Variants in BTBD9 observed in about 807,000 individuals in gnomAD.
BTBD9 encodes the protein BTB domain containing 9.
BTBD9 carries 49 observed loss-of-function variants against 64.3 expected under a neutral mutation model. That is an observed-to-expected ratio of 0.76 (90% CI 0.61 to 0.97). The LOEUF (loss-of-function observed/expected upper bound fraction) is 0.97. Among genes scored for constraint, BTBD9 ranks in the 50% least tolerant of loss-of-function variants. The pLI, the probability that BTBD9 is intolerant of heterozygous loss-of-function variation, is 0.00. For missense variants in BTBD9, 598 were observed against 762.1 expected, an observed-to-expected ratio of 0.78 and a Z score of 2.53; for synonymous variants, 260 against 274.7, an observed-to-expected ratio of 0.95 and a Z score of 0.53.
intron 10 of BTBD9, among the ~76,000 whole-genome samples, chr6:38,188,913 C>T (rs954479236): frequency 2.0e-5 from 3 of 152,224 alleles, no homozygotes; most frequent in Admixed American, 2.0e-4. Flanking sequence ...ACGGCCCTCA[C>T]CAAGAACCAG....
chr6:38,201,264 C>T (rs1762452615), intron 9 of BTBD9, among the ~76,000 whole-genome samples: 1 of 152,122 alleles, frequency 6.6e-6, no homozygotes, highest in South Asian at 2.1e-4. Flanking sequence ...TGGGATCTAA[C>T]CCAGGGATGC....
At chr6:38,416,657 C>CT (rs1436304867) in intron 6 of BTBD9, among the ~76,000 whole-genome samples, 3 of 151,500 alleles carry the variant, frequency 2.0e-5, no homozygotes, top group African/African-American at 4.9e-5. Flanking sequence ...TCTCTGTACT[C>CT]TTACATTGCC....
chr6:38,185,948 G>GT lies in BTBD9; in HGVS notation c.1641+6570dup, dbSNP rs368685433. On this transcript the variant is annotated intron_variant, in intron 10 of 10. Coordinates refer to ENST00000481247, the MANE Select transcript of BTBD9 (RefSeq NM_001099272.2). ...CATCCTCTGTGGATGGACGCTCATG[G>GT]TGTCCCGTTGGGTACAGGATGAACA... Among the ~76,000 whole-genome samples, 603 of 152,316 alleles carry GT rather than the reference G, an allele frequency of 4.0e-3. 6 individuals carry two copies. Among genetic ancestry groups the GT allele is most frequent in the African/African-American group, 0.013 (560 of 41,572 alleles).
chr6:38,177,503 A>G (rs1024686448), intron 10 of BTBD9, among the ~76,000 whole-genome samples: 2 of 152,192 alleles, frequency 1.3e-5, no homozygotes, highest in African/African-American at 4.8e-5. Context: ...ACAAATCGAT[A>G]AAAACCCTGG....
At chr6:38,485,608 C>T (rs1355149511) in intron 6 of BTBD9, among the ~76,000 whole-genome samples, 1 of 152,146 alleles carries the variant, frequency 6.6e-6, no homozygotes, top group Non-Finnish European at 1.5e-5. Flanking sequence ...TTTGTCTCAG[C>T]AGTAGGTGTC....
chr6:38,350,582 T>C (rs909378988), intron 6 of BTBD9, among the ~76,000 whole-genome samples: 5 of 152,222 alleles, frequency 3.3e-5, no homozygotes, highest in African/African-American at 1.2e-4. Context: ...AAAGCTAAAA[T>C]CCATCTGAAT....
intron 6 of BTBD9, among the ~76,000 whole-genome samples, chr6:38,411,358 T>A (rs1489877876): frequency 6.6e-6 from 1 of 152,186 alleles, no homozygotes; most frequent in Non-Finnish European, 1.5e-5. Flanking sequence ...GACTGCTCAG[T>A]GGTGTGGAGT....
At chr6:38,201,612 GA>G (rs1762464771) in intron 9 of BTBD9, among the ~76,000 whole-genome samples, 1 of 152,160 alleles carries the variant, frequency 6.6e-6, no homozygotes, top group Non-Finnish European at 1.5e-5. Flanking sequence ...GCAAGAGAAA[GA>G]AATAAAAGGC....
intron 2 of BTBD9, among the ~76,000 whole-genome samples, chr6:38,597,523 A>T (rs1222139568): frequency 1.3e-5 from 2 of 152,156 alleles, no homozygotes; most frequent in Admixed American, 6.5e-5. Flanking sequence ...ACCTCAAACC[A>T]AGGGGTATAT....
intron 6 of BTBD9, among the ~76,000 whole-genome samples, chr6:38,511,340 CTTTT>C (rs34407005): frequency 2.8e-5 from 3 of 107,464 alleles, no homozygotes; most frequent in Admixed American, 1.1e-4. Context: ...TTGGAAATGC[CTTTT>C]TTTTTTTTTT....
intron 9 of BTBD9, among the ~76,000 whole-genome samples, chr6:38,193,411 C>T (rs1762164430): frequency 6.6e-6 from 1 of 152,136 alleles, no homozygotes; most frequent in Non-Finnish European, 1.5e-5. Context: ...TTCCTGCTTC[C>T]AAAACGCTGC....
intron 7 of BTBD9, among the ~76,000 whole-genome samples, chr6:38,311,481 T>C (rs1762832569): frequency 6.6e-6 from 1 of 152,234 alleles, no homozygotes; most frequent in Non-Finnish European, 1.5e-5. Context: ...ATTCATCTAT[T>C]GATGGAGACT....
chr6:38,523,240 C>A (rs754922569), intron 6 of BTBD9, among the ~76,000 whole-genome samples: 4 of 151,986 alleles, frequency 2.6e-5, no homozygotes, highest in Non-Finnish European at 4.4e-5. Context: ...ACACCTCTTG[C>A]AGACACCTCT....
At chr6:38,233,656 A>C (rs1358633016) in intron 9 of BTBD9, among the ~76,000 whole-genome samples, 7 of 152,340 alleles carry the variant, frequency 4.6e-5, no homozygotes, top group Middle Eastern at 3.4e-3. Context: ...TTTAACAGGA[A>C]GCAATAGCCC....
At chr6:38,250,953 GTGCC>G in intron 9 of BTBD9, among the ~76,000 whole-genome samples, 1 of 151,996 alleles carries the variant, frequency 6.6e-6, no homozygotes, top group Admixed American at 6.5e-5. Flanking sequence ...GTAGTGGCGT[GTGCC>G]TGTAATCTCA....
chr6:38,228,832 C>T (rs1298384403), intron 9 of BTBD9, among the ~76,000 whole-genome samples: 1 of 151,560 alleles, frequency 6.6e-6, no homozygotes, highest in Non-Finnish European at 1.5e-5. Context: ...TGAGATCGTG[C>T]CACTGTACTC....
chr6:38,409,719 G>A (rs186990513), intron 6 of BTBD9, among the ~76,000 whole-genome samples: 1 of 152,060 alleles, frequency 6.6e-6, no homozygotes, highest in South Asian at 2.1e-4. Flanking sequence ...AGCTACTTGG[G>A]AGGCTAAGGC....
intron 8 of BTBD9, among the ~76,000 whole-genome samples, chr6:38,266,666 GA>G: frequency 4.2e-5 from 4 of 94,952 alleles, no homozygotes; most frequent in Admixed American, 2.1e-4. Context: ...AAGAAAGAAA[GA>G]AAGAAAGAAA....
intron 6 of BTBD9, among the ~76,000 whole-genome samples, chr6:38,480,123 A>G (rs1771069806): frequency 1.3e-5 from 2 of 152,218 alleles, no homozygotes; most frequent in Admixed American, 1.3e-4. Context: ...TTTACTGGAG[A>G]AGTACTACTG....
Sources: gnomAD v4.1 joint callset for allele counts (sites outside exome capture counted in the v4.1 genomes callset) on GRCh38, gnomAD v4.1.1 for gene constraint, MANE v1.5 for transcripts, NCBI Gene and HGNC (gene_info 2026-07-23, HGNC 2026-07-21) for gene names.